The following AQR variants were observed in gnomAD, a reference collection of about 807,000 sequenced individuals.
AQR encodes aquarius intron-binding spliceosomal factor.
A neutral mutation model predicts 180.5 loss-of-function variants in AQR; 61 were observed. The observed-to-expected ratio is 0.34, with a 90% CI of 0.28 to 0.42. AQR has a LOEUF of 0.42. Ranked by LOEUF, AQR falls within the 10% of genes least tolerant of loss-of-function variation. AQR has a pLI of 1.00. For synonymous variants in AQR, 551 were observed against 588.8 expected, an observed-to-expected ratio of 0.94 and a Z score of 0.93; for missense variants, 1,281 against 1,798.3, an observed-to-expected ratio of 0.71 and a Z score of 5.20.
chr15:34,889,432 T>C (rs1004604219), intron 24 of AQR, among the ~76,000 whole-genome samples: 2 of 152,248 alleles, frequency 1.3e-5, no homozygotes, highest in Admixed American at 1.3e-4. Context: ...TGTCCAGCTG[T>C]TAATTGTGCT....
intron 24 of AQR, among the ~76,000 whole-genome samples, chr15:34,887,246 G>T (rs1893076468): frequency 6.6e-6 from 1 of 152,142 alleles, no homozygotes; most frequent in African/African-American, 2.4e-5. Flanking sequence ...ATTTAGTTCA[G>T]CTCTCAATCT....
At chr15:34,955,603 C>G (rs1894300195) in intron 3 of AQR, among the ~76,000 whole-genome samples, 1 of 152,072 alleles carries the variant, frequency 6.6e-6, no homozygotes, top group Non-Finnish European at 1.5e-5. Context: ...CAAGTAATAA[C>G]AGTGAACAAA....
chr15:34,876,232 C>T (rs1443565513), intron 27 of AQR, among the ~76,000 whole-genome samples: 2 of 152,144 alleles, frequency 1.3e-5, no homozygotes, highest in Admixed American at 6.5e-5. Context: ...TCAGGAAAGC[C>T]GCCTAAATAT....
At position 34,919,099 on chromosome 15, in the gene AQR, C is replaced by T. The variant is rs578024963; in HGVS notation, c.1222-721G>A. ...ACTAAAAATACAAAAATTAGCTGGGCGTGGTGGTGCACACCTGTAATCCCA... is the reference window on the plus strand; with the variant it reads ...ACTAAAAATACAAAAATTAGCTGGGTGTGGTGGTGCACACCTGTAATCCCA... On this transcript the variant is annotated intron_variant, in intron 14 of 34. Coordinates refer to ENST00000156471, the MANE Select transcript of AQR (RefSeq NM_014691.3). Among the ~76,000 whole-genome samples, 7 of 151,938 alleles carry T rather than the reference C, an allele frequency of 4.6e-5. No homozygotes were observed. The South Asian group carries it at 1.5e-3, about 32-fold the overall frequency.
At chr15:34,949,307 G>A (rs564555158) in intron 4 of AQR, among the ~76,000 whole-genome samples, 1 of 57,188 alleles carries the variant, frequency 1.7e-5, no homozygotes, top group East Asian at 7.6e-4. Flanking sequence ...TTAACTTTAA[G>A]GCTCTTCTTA....
At chr15:34,946,427 A>AGG (rs770378586) in intron 5 of AQR, among the ~76,000 whole-genome samples, 50 of 46,372 alleles carry the variant, frequency 1.1e-3, no homozygotes, top group South Asian at 3.6e-3. Flanking sequence ...TCCGGGAGGG[A>AGG]GGTGGGGGGG....
intron 33 of AQR, 105 bp from the exon 34 acceptor site, chr15:34,860,260 G>A: frequency 4.3e-6 from 2 of 469,760 alleles, no homozygotes. Flanking sequence ...CACAATTAGG[G>A]TCTGGAAGAC....
In AQR at chr15:34,890,198, C is replaced by T. The variant is rs1419250707; in HGVS notation, c.2681+17G>A. The T allele has an allele frequency of 6.3e-7, 1 of 1,594,972 alleles. No homozygotes were observed. The highest frequency in any genetic ancestry group is 1.1e-5 in the South Asian group (1 of 88,406). On this transcript the variant is annotated intron_variant, in intron 24 of 34. Coordinates refer to ENST00000156471, the MANE Select transcript of AQR (RefSeq NM_014691.3). The stretch of plus-strand genomic sequence containing the variant: ...AAAAATCCTTTTTTACACTGTTACT[C>T]ACTCCCATTTGCTCACCTGCTGAAA...
intron 3 of AQR, among the ~76,000 whole-genome samples, chr15:34,954,145 G>C (rs1288633284): frequency 6.6e-6 from 1 of 152,146 alleles, no homozygotes; most frequent in Middle Eastern, 3.2e-3. Flanking sequence ...TCGAACTCCT[G>C]AGCTCAGGTG....
chr15:34,921,382 C>T (rs929391379), intron 13 of AQR, among the ~76,000 whole-genome samples: 4 of 144,384 alleles, frequency 2.8e-5, no homozygotes, highest in Non-Finnish European at 6.0e-5. Context: ...TGCAGTGAGC[C>T]GAGATTGCAC....
chr15:34,891,999 A>C (rs1466366193), intron 23 of AQR, among the ~76,000 whole-genome samples: 1 of 152,214 alleles, frequency 6.6e-6, no homozygotes, highest in Admixed American at 6.5e-5. Context: ...TTAAAAGTTA[A>C]TGATCACCAG....
intron 18 of AQR, among the ~76,000 whole-genome samples, chr15:34,905,337 C>T (rs1310373859): frequency 6.6e-6 from 1 of 151,774 alleles, no homozygotes; most frequent in Non-Finnish European, 1.5e-5. Context: ...GACATGTATG[C>T]AGTTGTAATT....
chr15:34,949,810 A>AAC (rs1555426634), intron 4 of AQR, among the ~76,000 whole-genome samples: 11 of 147,228 alleles, frequency 7.5e-5, no homozygotes, highest in Non-Finnish European at 1.6e-4. Context: ...AAAAAAAAAA[A>AAC]AAACCACTAG....
At chr15:34,892,719 C>G (rs1055235825) in intron 23 of AQR, among the ~76,000 whole-genome samples, 6 of 152,146 alleles carry the variant, frequency 3.9e-5, no homozygotes, top group African/African-American at 1.4e-4. Flanking sequence ...TTAGCCTAGC[C>G]TATGTAAAAC....
intron 20 of AQR, 104 bp from the exon 21 acceptor site, chr15:34,897,809 C>T: frequency 1.6e-6 from 2 of 1,274,070 alleles, no homozygotes; most frequent in Admixed American, 2.2e-5. Flanking sequence ...GAGTAAGAAA[C>T]ATTTCTGGCT....
intron 22 of AQR, among the ~76,000 whole-genome samples, chr15:34,896,696 A>G (rs1893249435): frequency 6.6e-6 from 1 of 152,160 alleles, no homozygotes; most frequent in Non-Finnish European, 1.5e-5. Context: ...AAAAATACAA[A>G]AAATTAGCCA....
intron 1 of AQR, among the ~76,000 whole-genome samples, chr15:34,968,526 G>A (rs1408418022): frequency 1.3e-5 from 2 of 152,140 alleles, no homozygotes; most frequent in East Asian, 3.9e-4. Context: ...CCAAAGTGCT[G>A]GGATTACAGG....
intron 12 of AQR, among the ~76,000 whole-genome samples, chr15:34,928,140 A>G (rs1221288217): frequency 6.6e-6 from 1 of 152,228 alleles, no homozygotes; most frequent in Non-Finnish European, 1.5e-5. Context: ...TTCCAAAACA[A>G]TAAGGCTATT....
intron 23 of AQR, among the ~76,000 whole-genome samples, chr15:34,892,433 G>C (rs1893164304): frequency 6.6e-6 from 1 of 152,144 alleles, no homozygotes; most frequent in Admixed American, 6.6e-5. Context: ...GTTTAGTGTA[G>C]AAGGAAAAAA....
Sources: allele counts gnomAD v4.1 joint callset (sites outside exome capture counted in the v4.1 genomes callset), GRCh38; gene constraint gnomAD v4.1.1; transcripts MANE v1.5; gene names NCBI Gene and HGNC (gene_info 2026-07-23, HGNC 2026-07-21).